TNS1: variants seen among roughly 807,000 people sequenced by gnomAD.
TNS1 encodes the protein tensin-1.
TNS1 carries 62 observed loss-of-function variants against 168.6 expected under a neutral mutation model. The observed-to-expected ratio is 0.37, with a 90% CI of 0.30 to 0.45. The LOEUF (loss-of-function observed/expected upper bound fraction) is 0.45, where lower values mean the gene tolerates loss of function less well. Among genes scored for constraint, TNS1 ranks in the 20% least tolerant of loss-of-function variants. The probability of loss-of-function intolerance (pLI) is 1.00; values close to 1 mark genes in which losing one functional copy is unlikely to be tolerated. For synonymous variants in TNS1, 934 were observed against 933.2 expected, an observed-to-expected ratio of 1.00 and a Z score of -0.02; for missense variants, 2,240 against 2,339.4, an observed-to-expected ratio of 0.96 and a Z score of 0.88.
chr2:217,813,135 G>T lies in TNS1; in HGVS notation c.4954+80C>A. On this transcript the variant is annotated intron_variant, in intron 27 of 32. Transcript: ENST00000682258. This position sits in a 1 kb window ranked among gnomAD's most constrained non-coding sequence, Gnocchi z 4.0. ...GGCAGAGCCTGTCAGAAAGAACTTGGGGTCAGACCCCTGGAGGAACCCAGG... is the reference window on the plus strand; with the variant it reads ...GGCAGAGCCTGTCAGAAAGAACTTGTGGTCAGACCCCTGGAGGAACCCAGG... 1.0e-6 allele frequency: 1 copy of T among 995,124 alleles called. No homozygotes were observed. 61.6% of individuals were successfully genotyped at this position (995,124 alleles called of 1,614,324 possible). A position where few individuals can be genotyped will look rare whatever the true frequency, so the allele number is the denominator to read the frequency against.
intron 19 of TNS1, among the ~76,000 whole-genome samples, chr2:217,844,384 C>T: frequency 6.6e-6 from 1 of 152,172 alleles, no homozygotes; most frequent in Non-Finnish European, 1.5e-5. Flanking sequence ...GGAATGGCTT[C>T]CTACATTGCT....
At chr2:217,931,553 C>G (rs1374208977) in intron 3 of TNS1, among the ~76,000 whole-genome samples, 2 of 152,220 alleles carry the variant, frequency 1.3e-5, no homozygotes, top group Non-Finnish European at 2.9e-5. Flanking sequence ...GAGACCCACA[C>G]AGACATCAGC....
intron 6 of TNS1, 91 bp downstream of exon 6, chr2:217,906,244 C>T (rs541149729): frequency 6.9e-5 from 47 of 676,558 alleles, no homozygotes; most frequent in East Asian, 3.0e-4. Flanking sequence ...AGGAAGCCCA[C>T]GAAACAAGAC....
chr2:217,918,692 G>A (rs1037630871), intron 4 of TNS1, among the ~76,000 whole-genome samples: 4 of 152,172 alleles, frequency 2.6e-5, no homozygotes, highest in African/African-American at 9.7e-5. Flanking sequence ...AGGACATTCT[G>A]TTCTTAGCCA....
intron 2 of TNS1, among the ~76,000 whole-genome samples, chr2:217,989,110 A>G (rs1450512613): frequency 6.6e-6 from 1 of 152,134 alleles, no homozygotes; most frequent in East Asian, 1.9e-4. Context: ...CATAGTGAGG[A>G]GTCATGTGAG....
At chr2:217,991,498 T>C (rs1017222531) in intron 1 of TNS1, among the ~76,000 whole-genome samples, 11 of 152,088 alleles carry the variant, frequency 7.2e-5, no homozygotes, top group African/African-American at 2.4e-4. Flanking sequence ...TTAATACTAT[T>C]GTGGCTTCCA....
At chr2:217,915,101 A>G (rs1218350600) in intron 4 of TNS1, among the ~76,000 whole-genome samples, 1 of 152,176 alleles carries the variant, frequency 6.6e-6, no homozygotes, top group East Asian at 1.9e-4. Context: ...GGATTTCCCA[A>G]GGATGGCCAC....
intron 18 of TNS1, among the ~76,000 whole-genome samples, chr2:217,866,403 T>A (rs139252153): frequency 7.4e-4 from 113 of 152,194 alleles, no homozygotes; most frequent in Admixed American, 1.2e-3. Flanking sequence ...CAGGCCTGTA[T>A]CTCCTCTCCT....
intron 1 of TNS1, among the ~76,000 whole-genome samples, chr2:218,020,242 A>G (rs1442872081): frequency 6.6e-6 from 1 of 152,004 alleles, no homozygotes; most frequent in Non-Finnish European, 1.5e-5. Flanking sequence ...CCAGTGGGTG[A>G]ACAGCCACAG....
intron 18 of TNS1, among the ~76,000 whole-genome samples, chr2:217,852,814 C>A (rs551034369): frequency 1.2e-4 from 18 of 152,320 alleles, no homozygotes; most frequent in Non-Finnish European, 4.4e-5. Flanking sequence ...CGAACAGATG[C>A]AAATTGTTTA....
chr2:217,941,865 AAAC>A (rs1488686595), intron 3 of TNS1, among the ~76,000 whole-genome samples: 2 of 152,170 alleles, frequency 1.3e-5, no homozygotes, highest in East Asian at 1.9e-4. Flanking sequence ...CCCTTAGACC[AAAC>A]AAAAGTTCTT....
chr2:217,848,163 GGCT>G lies in TNS1; in HGVS notation c.2351_2353del (p.Gln784del), dbSNP rs3839056. On this transcript the variant is annotated inframe_deletion, in exon 19 of 33. Coordinates refer to ENST00000682258, the MANE Select transcript of TNS1 (RefSeq NM_001387777.1). ...TTCCTGCTGGCGTGGAGGTGGGCGA[GGCT>G]GCTGCTGCTGCTGCTGCTGCTGCTG... 4,021 of 1,316,302 alleles carry G rather than the reference GGCT, an allele frequency of 3.1e-3. 3 individuals are homozygous for G. The highest frequency in any genetic ancestry group is 0.01 in the Admixed American group (511 of 49,766). 81.5% of individuals were successfully genotyped at this position (1,316,302 alleles called of 1,614,324 possible).
Position 217,804,403 on chromosome 2 carries a change from G to T in TNS1, c.*56C>A. 1.2e-6 allele frequency: 2 copies of T among 1,605,050 alleles called. No homozygotes were observed. The highest frequency in any genetic ancestry group is 1.7e-6 in the Non-Finnish European group (2 of 1,175,074). On this transcript the variant is annotated 3_prime_UTR_variant, in exon 33 of 33. Transcript: ENST00000682258. ...GTTCAAGAGTGGTCAGGATTCATGG[G>T]TCCCCTCCCCACAAGCCCCTTCCCC...
intron 22 of TNS1, among the ~76,000 whole-genome samples, chr2:217,822,164 G>A (rs1942970450): frequency 6.6e-6 from 1 of 152,146 alleles, no homozygotes; most frequent in Non-Finnish European, 1.5e-5. Flanking sequence ...TGGATCCCAG[G>A]CCCCGCCTCA....
intron 3 of TNS1, among the ~76,000 whole-genome samples, chr2:217,956,639 C>T (rs537628681): frequency 1.3e-5 from 2 of 152,244 alleles, no homozygotes; most frequent in East Asian, 3.9e-4. Flanking sequence ...TCTGTGGACA[C>T]CCACACACTC....
chr2:217,831,942 A>AACACACACACACACACACACACAC (rs66652637), intron 21 of TNS1, among the ~76,000 whole-genome samples: 2 of 146,186 alleles, frequency 1.4e-5, no homozygotes, highest in African/African-American at 2.5e-5. Context: ...ACCCTCACCC[A>AACACACACACACACACACACACAC]ACACACACAC....
In TNS1 at chr2:217,808,091, CCT is replaced by C; in HGVS notation, c.5357_5358del (p.Glu1786GlyfsTer6). ...CACACTTACTTAGCAGGGGCACCAC[CCT>C]CTGTTTTCATCCACCTGTGGAGAGA... Reference protein sequence around the residue: ...DPQERKWMKTEGGAPAKLFGF... With the variant: ...DPQERKWMKTXGGAPAKLFGF... On this transcript the variant is annotated frameshift_variant, in exon 32 of 33. Coordinates refer to ENST00000682258, the MANE Select transcript of TNS1 (RefSeq NM_001387777.1). LOFTEE classifies it high-confidence loss of function. 2 of 1,613,154 alleles carry C rather than the reference CCT, an allele frequency of 1.2e-6. No individual in the cohort carries two copies. Among genetic ancestry groups the C allele is most frequent in the Non-Finnish European group, 1.7e-6 (2 of 1,179,982 alleles).
At chr2:217,980,335 C>T (rs1958011463) in intron 2 of TNS1, among the ~76,000 whole-genome samples, 1 of 152,136 alleles carries the variant, frequency 6.6e-6, no homozygotes, top group Non-Finnish European at 1.5e-5. Flanking sequence ...TCCCTCAGCA[C>T]CACCACCAGC....
chr2:217,848,117 A>G lies in TNS1; in HGVS notation c.2400T>C (p.Leu800=), dbSNP rs1329047764. The change falls in exon 19 of 33, where the codon CTT becomes CTC. Residue 800 remains leucine, a synonymous_variant. Transcript: ENST00000682258. ...GCTGAGGGCTGGGCCTGCTGGCTAC[A>G]AGACTCTCCAAGTGGGCTCTTTCCT... ...RQQERAHLES[L]VASRPSPQPL... 6.3e-7 allele frequency: 1 copy of G among 1,584,260 alleles called. No homozygotes were observed. The highest frequency in any genetic ancestry group is 8.6e-7 in the Non-Finnish European group (1 of 1,166,494).
Sources: gnomAD v4.1 joint callset for allele counts (sites outside exome capture counted in the v4.1 genomes callset) on GRCh38, gnomAD v4.1.1 for gene constraint, Gnocchi (gnomAD v3.1) non-coding constraint, MANE v1.5 for transcripts, NCBI Gene and HGNC (gene_info 2026-07-23, HGNC 2026-07-21) for gene names.